The following DCAF12 variants were observed in gnomAD, a reference collection of about 807,000 sequenced individuals.
DCAF12 encodes DDB1- and CUL4-associated factor 12.
DCAF12 carries 28 observed loss-of-function variants against 52.8 expected under a neutral mutation model. The observed-to-expected ratio is 0.53, with a 90% CI of 0.39 to 0.73. DCAF12 has a LOEUF of 0.73. Among genes scored for constraint, DCAF12 ranks in the 30% least tolerant of loss-of-function variants. The probability of loss-of-function intolerance (pLI) is 0.00; values close to 1 mark genes in which losing one functional copy is unlikely to be tolerated. For missense variants in DCAF12, 425 were observed against 552.2 expected (o/e 0.77, Z 2.31); for synonymous variants, 196 against 215.5 (o/e 0.91, Z 0.79).
intron 4 of DCAF12, among the ~76,000 whole-genome samples, chr9:34,105,971 A>G (rs1423539817): frequency 1.3e-5 from 2 of 152,042 alleles, no homozygotes; most frequent in Non-Finnish European, 2.9e-5. Flanking sequence ...CCTGGTCTCG[A>G]ACTCCTGACC....
intron 7 of DCAF12, among the ~76,000 whole-genome samples, chr9:34,090,199 G>A (rs931448945): frequency 6.6e-6 from 1 of 151,896 alleles, no homozygotes; most frequent in Non-Finnish European, 1.5e-5. Flanking sequence ...AAGTAGCTGG[G>A]ATTACAGGCT....
intron 2 of DCAF12, among the ~76,000 whole-genome samples, chr9:34,122,661 A>C (rs1027766352): frequency 2.0e-5 from 3 of 152,078 alleles, no homozygotes; most frequent in Non-Finnish European, 4.4e-5. Context: ...GTACTTCTGT[A>C]GAAACAGGGT....
intron 4 of DCAF12, among the ~76,000 whole-genome samples, chr9:34,100,811 A>AT (rs142344955): frequency 0.31 from 45,955 of 150,518 alleles, 7,473 homozygotes; most frequent in Non-Finnish European, 0.36. Context: ...TATTTTTTTA[A>AT]TTTTTTTTGT....
chr9:34,124,881 T>C, intron 2 of DCAF12, 142 bp downstream of exon 2: 1 of 1,056,846 alleles, frequency 9.5e-7, no homozygotes, highest in Non-Finnish European at 1.4e-6. Flanking sequence ...GAGGAAGAAG[T>C]CACCAACGGG....
In DCAF12 at chr9:34,092,339, A is replaced by G. The variant is rs115285410; in HGVS notation, c.1024+947T>C. On this transcript the variant is annotated intron_variant, in intron 7 of 8. Transcript: ENST00000361264. The stretch of plus-strand genomic sequence containing the variant: ...ATCCCACCATGCCACATCTTAGCAT[A>G]AATAGAATTTTAGTTCAGGCAGGAC... Among the ~76,000 whole-genome samples the G allele has an allele frequency of 1.2e-3, 181 of 152,306 alleles. 1 individual carries two copies. Among genetic ancestry groups the G allele is most frequent in the African/African-American group, 4.3e-3 (180 of 41,560 alleles).
chr9:34,118,561 C>T (rs1829121645), intron 2 of DCAF12, among the ~76,000 whole-genome samples: 1 of 152,150 alleles, frequency 6.6e-6, no homozygotes, highest in East Asian at 1.9e-4. Flanking sequence ...AGGCCTTCTA[C>T]TCAGAATTAA....
Position 34,093,603 on chromosome 9 carries a change from T to A in DCAF12, c.862-155A>T, listed in dbSNP as rs921315814. ...AATAACACTCTGTTCCACCCCTAGG[T>A]ATACAGGAGAAAGAGGAGGTGAATG... is the stretch of plus-strand genomic sequence containing the variant. On this transcript the variant is annotated intron_variant, in intron 6 of 8. Transcript: ENST00000361264. 7 of 730,002 alleles carry A rather than the reference T, an allele frequency of 9.6e-6. No homozygotes were observed. In the African/African-American group the frequency reaches 1.2e-4, roughly 13 times the overall value. The allele number at this position is 730,002 out of a possible 1,614,324, so 45.2% of individuals were successfully genotyped here.
intron 2 of DCAF12, among the ~76,000 whole-genome samples, chr9:34,108,778 T>G (rs1828945695): frequency 6.9e-6 from 1 of 145,280 alleles, no homozygotes; most frequent in Non-Finnish European, 1.5e-5. Flanking sequence ...AGTGTGAGAC[T>G]GTGAGACTTG....
chr9:34,117,160 G>A (rs970952258), intron 2 of DCAF12, among the ~76,000 whole-genome samples: 1 of 152,130 alleles, frequency 6.6e-6, no homozygotes, highest in African/African-American at 2.4e-5. Flanking sequence ...TGACTTCGTG[G>A]AAGGAGGGCC....
intron 2 of DCAF12, among the ~76,000 whole-genome samples, chr9:34,119,730 C>T (rs569323660): frequency 7.1e-6 from 1 of 140,938 alleles, no homozygotes; most frequent in Admixed American, 7.5e-5. Context: ...GAGACAGGGT[C>T]GTGCTCTGTC....
At chr9:34,095,370 G>GA in intron 6 of DCAF12, among the ~76,000 whole-genome samples, 1 of 119,334 alleles carries the variant, frequency 8.4e-6, no homozygotes, top group Non-Finnish European at 1.7e-5. Flanking sequence ...ACCGCGCCAG[G>GA]CCTTTTTTTT....
At chr9:34,116,328 C>T (rs925050051) in intron 2 of DCAF12, among the ~76,000 whole-genome samples, 11 of 151,526 alleles carry the variant, frequency 7.3e-5, no homozygotes, top group South Asian at 6.3e-4. Context: ...CCAGCCTGGG[C>T]GACAGAGAGA....
At chr9:34,122,218 A>T (rs2131444377) in intron 2 of DCAF12, among the ~76,000 whole-genome samples, 1 of 152,298 alleles carries the variant, frequency 6.6e-6, no homozygotes, top group East Asian at 1.9e-4. Flanking sequence ...GAAAGTACAC[A>T]TATAATCAAA....
chr9:34,115,475 T>G (rs1451879285), intron 2 of DCAF12, among the ~76,000 whole-genome samples: 1 of 133,604 alleles, frequency 7.5e-6, no homozygotes, highest in Non-Finnish European at 1.6e-5. Context: ...GGCCTGCACC[T>G]GTAGTCCCAG....
At chr9:34,099,918 T>C (rs912838714) in intron 4 of DCAF12, among the ~76,000 whole-genome samples, 1 of 152,134 alleles carries the variant, frequency 6.6e-6, no homozygotes, top group Non-Finnish European at 1.5e-5. Flanking sequence ...CTATGCCAAA[T>C]GTTTAGGTCT....
intron 5 of DCAF12, among the ~76,000 whole-genome samples, chr9:34,097,843 G>C (rs1828760090): frequency 6.6e-6 from 1 of 151,188 alleles, no homozygotes; most frequent in African/African-American, 2.4e-5. Context: ...TGAGGCAGAA[G>C]AATTGCTTGA....
intron 4 of DCAF12, among the ~76,000 whole-genome samples, chr9:34,099,462 C>CTCAGCCT (rs1176019316): frequency 6.6e-6 from 1 of 152,108 alleles, no homozygotes. Flanking sequence ...GAACTCCTGA[C>CTCAGCCT]CTCAAGTGAT....
intron 7 of DCAF12, among the ~76,000 whole-genome samples, chr9:34,092,461 G>T (rs1413768694): frequency 2.0e-5 from 3 of 152,298 alleles, no homozygotes; most frequent in South Asian, 4.1e-4. Context: ...GCCGAGGTGG[G>T]TGGATCACAA....
intron 2 of DCAF12, among the ~76,000 whole-genome samples, chr9:34,115,091 GACA>G (rs1214355483): frequency 3.3e-5 from 5 of 152,124 alleles, no homozygotes; most frequent in Admixed American, 1.3e-4. Context: ...AGGTCACACA[GACA>G]ACAAGACACA....
Sources: allele counts gnomAD v4.1 joint callset (sites outside exome capture counted in the v4.1 genomes callset), GRCh38; gene constraint gnomAD v4.1.1; transcripts MANE v1.5; gene names NCBI Gene and HGNC (gene_info 2026-07-23, HGNC 2026-07-21).